Variants in TCF12 observed in about 807,000 individuals in gnomAD.
The protein encoded by TCF12 is DNA-binding protein HTF4.
A neutral mutation model predicts 86.0 loss-of-function variants in TCF12; 45 were observed. That is an observed-to-expected ratio of 0.52 (90% confidence interval 0.41 to 0.67). The LOEUF (loss-of-function observed/expected upper bound fraction) is 0.67, where lower values mean the gene tolerates loss of function less well. Ranked by LOEUF, TCF12 falls within the 30% of genes least tolerant of loss-of-function variation. TCF12 has a pLI of 0.00. For synonymous variants in TCF12, 330 were observed against 299.6 expected, an observed-to-expected ratio of 1.10 and a Z score of -1.05; for missense variants, 881 against 859.9, an observed-to-expected ratio of 1.02 and a Z score of -0.31.
At chr15:57,148,052 T>A (rs145485342) in intron 5 of TCF12, among the ~76,000 whole-genome samples, 6,103 of 151,968 alleles carry the variant, frequency 0.04, 373 homozygotes, top group Admixed American at 0.17. Context: ...CTAATTTTTT[T>A]TTATTATTAT....
intron 16 of TCF12, among the ~76,000 whole-genome samples, chr15:57,260,931 A>C (rs1243134928): frequency 1.3e-5 from 2 of 152,206 alleles, no homozygotes; most frequent in African/African-American, 4.8e-5. Flanking sequence ...TAGGTTGAGT[A>C]CTTCAGATTC....
chr15:57,009,908 A>G (rs1298850692), intron 3 of TCF12, among the ~76,000 whole-genome samples: 2 of 152,190 alleles, frequency 1.3e-5, no homozygotes, highest in East Asian at 3.9e-4. Context: ...TAACTGTTTT[A>G]TGGATGAAAT....
intron 6 of TCF12, among the ~76,000 whole-genome samples, chr15:57,166,801 G>A (rs1362526211): frequency 1.3e-5 from 2 of 152,158 alleles, no homozygotes; most frequent in Non-Finnish European, 2.9e-5. Flanking sequence ...TGATTGATCT[G>A]CATAGCTTAA....
At chr15:57,147,045 G>A (rs2053408836) in intron 5 of TCF12, among the ~76,000 whole-genome samples, 1 of 152,166 alleles carries the variant, frequency 6.6e-6, no homozygotes, top group Admixed American at 6.5e-5. Context: ...ATGGAAACTT[G>A]GAGCTGGAGA....
At chr15:56,955,532 C>G (rs935868963) in intron 3 of TCF12, among the ~76,000 whole-genome samples, 1 of 151,590 alleles carries the variant, frequency 6.6e-6, no homozygotes, top group African/African-American at 2.4e-5. Context: ...GCACATGTAC[C>G]CTAGAACCTA....
chr15:56,974,360 T>G lies in TCF12; in HGVS notation c.148+53262T>G, dbSNP rs536619650. On this transcript the variant is annotated intron_variant, in intron 3 of 20. Transcript: ENST00000333725. ...TTGAAAAAGAACAGGATAAAGTAAT[T>G]GTGGTAAAATGTTACCACATGTGGG... 1.3e-3 allele frequency among the ~76,000 whole-genome samples: 195 copies of G among 152,230 alleles called. 1 individual carries two copies. Among genetic ancestry groups the G allele is most frequent in the African/African-American group, 4.7e-3 (194 of 41,558 alleles).
At chr15:57,117,203 C>G (rs1258034039) in intron 5 of TCF12, among the ~76,000 whole-genome samples, 2 of 151,900 alleles carry the variant, frequency 1.3e-5, no homozygotes, top group African/African-American at 4.8e-5. Context: ...CCATACCTGG[C>G]CTTTTTGTTT....
chr15:57,059,874 G>A (rs1243450538), intron 3 of TCF12, among the ~76,000 whole-genome samples: 1 of 151,806 alleles, frequency 6.6e-6, no homozygotes, highest in Non-Finnish European at 1.5e-5. Context: ...ATGCCCATAG[G>A]ACTCTGGTGG....
intron 13 of TCF12, among the ~76,000 whole-genome samples, chr15:57,245,145 G>A (rs2059802125): frequency 6.6e-6 from 1 of 152,166 alleles, no homozygotes; most frequent in Admixed American, 6.5e-5. Context: ...TTGTTGTTAA[G>A]CCTTTTTGCA....
intron 8 of TCF12, among the ~76,000 whole-genome samples, chr15:57,209,821 C>G (rs1157899409): frequency 6.6e-6 from 1 of 152,184 alleles, no homozygotes; most frequent in African/African-American, 2.4e-5. Context: ...TCTTCTACCA[C>G]TCTGCCCCTC....
At chr15:57,264,508 G>GGC in intron 18 of TCF12, among the ~76,000 whole-genome samples, 1 of 151,100 alleles carries the variant, frequency 6.6e-6, no homozygotes, top group South Asian at 2.1e-4. Context: ...GCCTTTGTAA[G>GGC]CTTTTTCCTA....
At chr15:57,163,938 G>A (rs2054675519) in intron 5 of TCF12, among the ~76,000 whole-genome samples, 3 of 152,072 alleles carry the variant, frequency 2.0e-5, no homozygotes, top group Non-Finnish European at 4.4e-5. Context: ...TCTTTGGCAG[G>A]TCCGGTTTCT....
In TCF12 at chr15:57,019,127, A is replaced by G. The variant is rs201797419; in HGVS notation, c.149-44623A>G. Among the ~76,000 whole-genome samples, 12 of 152,364 alleles carry G rather than the reference A, an allele frequency of 7.9e-5. No individual in the cohort carries two copies. The South Asian group carries it at 1.4e-3, about 18-fold the overall frequency. On this transcript the variant is annotated intron_variant, in intron 3 of 20. Coordinates refer to ENST00000333725, the MANE Select transcript of TCF12 (RefSeq NM_207037.2). ...GAATCAACCTAACAAGAAAGTAGGC[A>G]AAGTTCTAATACTTTGGTAGCCAGC...
Position 57,282,575 on chromosome 15 carries a change from G to A in TCF12, c.2109G>A (p.Met703Ile). The change falls in exon 20 of 21, where the codon ATG (methionine) becomes ATA (isoleucine). Residue 703 changes from methionine (M) to isoleucine (I), a missense_variant. By Grantham distance (10) the Met-to-Ile change is conservative (BLOSUM62 1). Coordinates refer to ENST00000333725, the MANE Select transcript of TCF12 (RefSeq NM_207037.2). ...HPGLSETTNPMGHM is the reference protein window; with the variant it reads ...HPGLSETTNPIGHM ...GGCTTAGTGAAACTACCAACCCTAT[G>A]GGTCATATGTAAACATCAGCCAGGT... The A allele has an allele frequency of 6.2e-7, 1 of 1,613,648 alleles. No homozygotes were observed. The highest frequency in any genetic ancestry group is 8.5e-7 in the Non-Finnish European group (1 of 1,179,926).
At chr15:57,000,170 A>G (rs1350204631) in intron 3 of TCF12, among the ~76,000 whole-genome samples, 3 of 152,114 alleles carry the variant, frequency 2.0e-5, no homozygotes, top group African/African-American at 7.2e-5. Context: ...TCATCTCTTG[A>G]AATCTGTTTT....
chr15:57,026,231 A>G (rs1381450231), intron 3 of TCF12, among the ~76,000 whole-genome samples: 2 of 152,240 alleles, frequency 1.3e-5, no homozygotes, highest in African/African-American at 2.4e-5. Flanking sequence ...ACAAAACCTT[A>G]TTTGTAAAAA....
intron 5 of TCF12, among the ~76,000 whole-genome samples, chr15:57,112,930 A>G (rs1297080062): frequency 6.6e-6 from 1 of 152,206 alleles, no homozygotes. Flanking sequence ...AAACTCATTT[A>G]ACTAAAACAT....
intron 5 of TCF12, among the ~76,000 whole-genome samples, chr15:57,155,454 A>T (rs2054048664): frequency 6.6e-6 from 1 of 152,176 alleles, no homozygotes; most frequent in Non-Finnish European, 1.5e-5. Context: ...CAGCTCAATG[A>T]AAATTGAACA....
chr15:57,078,106 C>T (rs1418058478), intron 4 of TCF12, among the ~76,000 whole-genome samples: 1 of 152,140 alleles, frequency 6.6e-6, no homozygotes, highest in Non-Finnish European at 1.5e-5. Context: ...TGCTTATTGA[C>T]ACTTTATTTT....
Sources: gnomAD v4.1 joint callset for allele counts (sites outside exome capture counted in the v4.1 genomes callset) on GRCh38, gnomAD v4.1.1 for gene constraint, MANE v1.5 for transcripts, NCBI Gene and HGNC (gene_info 2026-07-23, HGNC 2026-07-21) for gene names.